Variants in IVD observed in about 807,000 individuals in gnomAD.
The protein encoded by IVD is isovaleryl-CoA dehydrogenase.
In IVD, 31 loss-of-function variants were observed where a neutral mutation model predicts 51.3. That is an observed-to-expected ratio of 0.60 (90% CI 0.45 to 0.81). The LOEUF (loss-of-function observed/expected upper bound fraction) is 0.81. IVD is among the 40% of genes least tolerant of loss of function. The pLI is 0.00. For missense variants in IVD, 475 were observed against 552.0 expected (o/e 0.86, Z 1.40); for synonymous variants, 205 against 219.4 (o/e 0.93, Z 0.58).
rs747807491 is a variant in IVD, at chr15:40,411,635, A to G, written c.631A>G (p.Thr211Ala). 6 of 1,614,176 alleles carry G rather than the reference A, an allele frequency of 3.7e-6. No homozygotes were observed. The East Asian group carries it at 1.3e-4, about 36-fold the overall frequency. ...DADVLIVYAKTDLAAVPASRG... is the reference protein window; with the variant it reads ...DADVLIVYAKADLAAVPASRG... The stretch of plus-strand genomic sequence containing the variant: ...TGACGTCCTGATTGTCTATGCCAAG[A>G]CAGATCTGGCTGCTGTGCCAGCTTC... The change falls in exon 6 of 12, where the codon ACA becomes GCA. Residue 211 changes from threonine (T) to alanine (A), a missense_variant. Physicochemically the swap from Thr to Ala is moderately conservative, Grantham distance 58 (BLOSUM62 0). Coordinates refer to ENST00000487418, the MANE Select transcript of IVD (RefSeq NM_002225.5).
At chr15:40,415,279 C>A in intron 8 of IVD, 122 bp from the exon 9 acceptor site, 1 of 920,686 alleles carries the variant, frequency 1.1e-6, no homozygotes, top group Non-Finnish European at 1.7e-6. Context: ...GTAACTGTGG[C>A]AAGACTTTCT....
chr15:40,430,396 C>T (rs968851174), intron 7 of IVD, among the ~76,000 whole-genome samples: 2 of 152,148 alleles, frequency 1.3e-5, no homozygotes, highest in East Asian at 1.9e-4. Context: ...TGACTGAGCC[C>T]GAGAGATGAG....
chr15:40,406,754 TTA>T (rs1890462897), intron 1 of IVD, among the ~76,000 whole-genome samples: 1 of 152,158 alleles, frequency 6.6e-6, no homozygotes, highest in African/African-American at 2.4e-5. Context: ...ACTCCGTAGT[TTA>T]TGTTTATAGC....
chr15:40,412,710 CA>C (rs1260387386), intron 6 of IVD: 3 of 436,116 alleles, frequency 6.9e-6, no homozygotes, highest in East Asian at 4.7e-5. Context: ...GAAATAAGGC[CA>C]GGGGGGTCGG....
At position 40,421,266 on chromosome 15, in the gene IVD, A is replaced by G; in HGVS notation, c.*3003A>G. ...TCTTTCCTGGTTCTATATGTGAAGC[A>G]AAATAAATGTTTTAAAATTAAAAGC... On this transcript the variant is annotated 3_prime_UTR_variant, in exon 12 of 12. Transcript: ENST00000487418. The G allele has an allele frequency of 1.0e-6, 1 of 981,064 alleles. No homozygotes were observed. The highest frequency in any genetic ancestry group is 4.8e-5 in the South Asian group (1 of 20,858). The allele number at this position is 981,064 out of a possible 1,614,324, so 60.8% of individuals were successfully genotyped here. A position where few individuals can be genotyped will look rare whatever the true frequency, so the allele number is the denominator to read the frequency against.
chr15:40,417,044 AC>A (rs955921160), intron 11 of IVD, among the ~76,000 whole-genome samples: 1 of 151,512 alleles, frequency 6.6e-6, no homozygotes, highest in African/African-American at 2.4e-5. Context: ...TACTAAAAAT[AC>A]AAAAAAAAAT....
intron 6 of IVD, 77 bp from the exon 7 acceptor site, chr15:40,412,914 C>A (rs568454541): frequency 8.2e-5 from 98 of 1,188,936 alleles, no homozygotes; most frequent in Non-Finnish European, 1.2e-4. Context: ...TGAGTGCCTT[C>A]TTCCCAGAGG....
chr15:40,407,976 G>A lies in IVD; in HGVS notation c.272G>A (p.Gly91Asp), dbSNP rs1555403365. 6.2e-7 allele frequency: 1 copy of A among 1,614,098 alleles called. No individual in the cohort carries two copies. Among genetic ancestry groups the A allele is most frequent in the Non-Finnish European group, 8.5e-7 (1 of 1,179,966 alleles). The part of the protein sequence containing the change: ...WKQLGNLGVL[G>D]ITAPVQYGGS... Reference sequence around the variant, plus strand: ...CAGCTGGGGAACCTGGGCGTATTGGGCATCACAGCCCCTGGTGAGTATAGT... The same window carrying A: ...CAGCTGGGGAACCTGGGCGTATTGGACATCACAGCCCCTGGTGAGTATAGT... Residue 91 changes from glycine (G) to aspartate (D), a missense_variant, in exon 3 of 12, where the codon GGC (glycine) becomes GAC (aspartate). Transcript: ENST00000487418.
downstream of IVD, among the ~76,000 whole-genome samples, chr15:40,428,344 T>C (rs61661087): frequency 0.47 from 70,888 of 151,320 alleles, 18,500 homozygotes; most frequent in East Asian, 0.79. Flanking sequence ...ATCCAGCCAG[T>C]TCCAGGTCCT....
At chr15:40,426,760 C>T (rs536207653), downstream of IVD, among the ~76,000 whole-genome samples, 12 of 152,288 alleles carry the variant, frequency 7.9e-5, no homozygotes, top group East Asian at 2.3e-3. Flanking sequence ...ATGCCAGCCC[C>T]AGGGCTAACC....
At chr15:40,406,101 G>A (rs998217724) in intron 1 of IVD, 130 bp downstream of exon 1, 105 of 1,540,462 alleles carry the variant, frequency 6.8e-5, no homozygotes, top group Non-Finnish European at 8.8e-5. Flanking sequence ...GCCGTTGGGA[G>A]CGCCAGCGCG....
Position 40,417,206 on chromosome 15 carries a change from G to GA in IVD, c.1138+863dup, listed in dbSNP as rs748314280. ...GTGACAAGAGTGAAACTCCGTCTCG[G>GA]AAAAAAAAAAAAAAAAAAAGGCCGG... On this transcript the variant is annotated intron_variant, in intron 11 of 11. Transcript: ENST00000487418. 7.9e-3 allele frequency among the ~76,000 whole-genome samples: 753 copies of GA among 95,128 alleles called. 16 individuals are homozygous for GA. The East Asian group carries it at 0.095, about 12-fold the overall frequency. The allele number at this position is 95,128 out of a possible 152,430, so 62.4% of individuals were successfully genotyped here. A position where few individuals can be genotyped will look rare whatever the true frequency, so the allele number is the denominator to read the frequency against.
chr15:40,413,272 G>A lies in IVD; in HGVS notation c.784+185G>A, dbSNP rs2289327. The A allele has an allele frequency of 1.5e-3, 1,008 of 650,568 alleles. 13 individuals carry two copies. The East Asian group carries it at 0.021, about 13-fold the overall frequency. 40.3% of individuals were successfully genotyped at this position (650,568 alleles called of 1,614,324 possible). On this transcript the variant is annotated intron_variant, in intron 7 of 11. Coordinates refer to ENST00000487418, the MANE Select transcript of IVD (RefSeq NM_002225.5). The stretch of plus-strand genomic sequence containing the variant: ...TCCTTCCTGGCCAGGGCCCTGCAGC[G>A]GCATGCCTAACTGGCATCACACACT...
chr15:40,421,575 A>G (rs1001528), downstream of IVD, among the ~76,000 whole-genome samples: 70,424 of 152,026 alleles, frequency 0.46, 18,305 homozygotes, highest in East Asian at 0.79. Context: ...CCCCTTATCA[A>G]AATTTGGCAA....
At chr15:40,406,916 T>C (rs1595754869) in intron 1 of IVD, among the ~76,000 whole-genome samples, 1 of 148,722 alleles carries the variant, frequency 6.7e-6, no homozygotes, top group South Asian at 2.1e-4. Flanking sequence ...CAGGCTGGAG[T>C]GTAATGGCGC....
rs201785562 is a variant in IVD at position 40,413,086 on chromosome 15, T to C, written c.783T>C (p.Pro261=). 5 of 1,610,176 alleles carry C rather than the reference T, an allele frequency of 3.1e-6. No homozygotes were observed. The African/African-American group carries it at 4.0e-5, about 13-fold the overall frequency. ...CELIFEDCKI[P]AANILGHENK... The stretch of plus-strand genomic sequence containing the variant: ...TAATCTTTGAAGACTGCAAGATTCC[T>C]GGTAAGTAGCACCGGGAATCGGGGA... The change falls in exon 7 of 12, where the codon CCT becomes CCC. Residue 261 remains proline (P), a splice_region_variant and synonymous_variant. Transcript: ENST00000487418.
At position 40,418,466 on chromosome 15, in the gene IVD, G is replaced by A; in HGVS notation, c.*203G>A. 1 of 1,432,018 alleles carries A rather than the reference G, an allele frequency of 7.0e-7. No individual in the cohort carries two copies. The highest frequency in any genetic ancestry group is 9.1e-7 in the Non-Finnish European group (1 of 1,093,704). The allele number at this position is 1,432,018 out of a possible 1,614,324, so 88.7% of individuals were successfully genotyped here. A position where few individuals can be genotyped will look rare whatever the true frequency, so the allele number is the denominator to read the frequency against. On this transcript the variant is annotated 3_prime_UTR_variant, in exon 12 of 12. Transcript: ENST00000487418. ...CAGCCGGGCCTGTGCCACGGCTAGT[G>A]TTGTGTGATTTAAAATGGACTCAGC... is the stretch of plus-strand genomic sequence containing the variant.
Position 40,411,603 on chromosome 15 carries a change from C to G in IVD, c.599C>G (p.Pro200Arg). Residue 200 changes from proline to arginine, a missense_variant, in exon 6 of 12, where the codon CCT becomes CGT. Pro to Arg is a moderately radical substitution (Grantham distance 103). Transcript: ENST00000487418. ...NGNKFWITNG[P>R]DADVLIVYAK... ...AACAAGTTCTGGATCACTAATGGCC[C>G]TGATGCTGACGTCCTGATTGTCTAT... is the stretch of plus-strand genomic sequence containing the variant. 1 of 1,614,214 alleles carries G rather than the reference C, an allele frequency of 6.2e-7. No individual in the cohort carries two copies. The highest frequency in any genetic ancestry group is 8.5e-7 in the Non-Finnish European group (1 of 1,180,022).
intron 11 of IVD, among the ~76,000 whole-genome samples, chr15:40,417,501 C>G (rs950872112): frequency 7.8e-6 from 1 of 128,074 alleles, no homozygotes; most frequent in Admixed American, 7.8e-5. Context: ...GAGCATGACT[C>G]CAAAAAAAAA....
Sources: gnomAD v4.1 joint callset for allele counts (sites outside exome capture counted in the v4.1 genomes callset) on GRCh38, gnomAD v4.1.1 for gene constraint, MANE v1.5 for transcripts, NCBI Gene and HGNC (gene_info 2026-07-23, HGNC 2026-07-21) for gene names.